CDK14: variants seen among roughly 807,000 people sequenced by gnomAD.
CDK14 encodes the protein cyclin dependent kinase 14, also known as cyclin-dependent kinase 14.
A neutral mutation model predicts 60.7 loss-of-function variants in CDK14; 34 were observed. That is an observed-to-expected ratio of 0.56 (90% CI 0.43 to 0.75). CDK14 has a LOEUF of 0.75. CDK14 is among the 30% of genes least tolerant of loss of function. CDK14 has a pLI of 0.00. For synonymous variants in CDK14, 197 were observed against 203.7 expected (o/e 0.97, Z 0.28); for missense variants, 482 against 564.1 (o/e 0.85, Z 1.47).
rs542990326 is a variant in CDK14, at chr7:90,812,480, G to T, written c.544+21828G>T. 9.2e-5 allele frequency among the ~76,000 whole-genome samples: 14 copies of T among 152,256 alleles called. No homozygotes were observed. The South Asian group carries it at 1.2e-3, about 14-fold the overall frequency. On this transcript the variant is annotated intron_variant, in intron 5 of 14. Transcript: ENST00000380050. ...TGGGGCCTGTTGTGGGGTTGGGGAAGGGGGGACGGATTGCATTAGGAGATA... is the reference window on the plus strand; with the variant it reads ...TGGGGCCTGTTGTGGGGTTGGGGAATGGGGGACGGATTGCATTAGGAGATA...
intron 14 of CDK14, among the ~76,000 whole-genome samples, chr7:91,158,031 T>A (rs1801035531): frequency 1.3e-5 from 2 of 149,588 alleles, no homozygotes; most frequent in African/African-American, 4.9e-5. Flanking sequence ...TTTCTCAATA[T>A]CCATTTGCCA....
At chr7:91,083,117 A>G (rs1476150146) in intron 12 of CDK14, among the ~76,000 whole-genome samples, 2 of 151,302 alleles carry the variant, frequency 1.3e-5, no homozygotes, top group Non-Finnish European at 1.5e-5. Context: ...TTTTTTTTTC[A>G]TTGTTGATCA....
intron 4 of CDK14, among the ~76,000 whole-genome samples, chr7:90,775,251 C>T (rs906020037): frequency 6.6e-6 from 1 of 152,146 alleles, no homozygotes. Flanking sequence ...ATGATTCATT[C>T]TCATCGCGAT....
chr7:90,917,738 T>G lies in CDK14; in HGVS notation c.826+14T>G, dbSNP rs1295695044. The G allele has an allele frequency of 6.2e-7, 1 of 1,611,830 alleles. No individual in the cohort carries two copies. The highest frequency in any genetic ancestry group is 8.5e-7 in the Non-Finnish European group (1 of 1,178,528). ...TGGCAGATTTCGGTAGGAAAGCAGTTAATTACCAGTCTATTTTGTCATACT... is the reference window on the plus strand; with the variant it reads ...TGGCAGATTTCGGTAGGAAAGCAGTGAATTACCAGTCTATTTTGTCATACT... On this transcript the variant is annotated intron_variant, in intron 8 of 14. Coordinates refer to ENST00000380050, the MANE Select transcript of CDK14 (RefSeq NM_001287135.2).
At chr7:91,010,851 C>T (rs373698766) in intron 10 of CDK14, among the ~76,000 whole-genome samples, 13 of 115,184 alleles carry the variant, frequency 1.1e-4, no homozygotes, top group South Asian at 3.4e-4. Flanking sequence ...CTCCCTCCCT[C>T]CCTCCCTCCC....
chr7:90,853,010 A>C (rs1004650055), intron 5 of CDK14, among the ~76,000 whole-genome samples: 2 of 152,174 alleles, frequency 1.3e-5, no homozygotes, highest in Non-Finnish European at 2.9e-5. Context: ...ATTCAGCTCC[A>C]ACCAAAATCT....
At chr7:90,891,800 TGTAGG>T (rs1792133985) in intron 6 of CDK14, among the ~76,000 whole-genome samples, 1 of 152,214 alleles carries the variant, frequency 6.6e-6, no homozygotes, top group Non-Finnish European at 1.5e-5. Flanking sequence ...GGCTTGACAT[TGTAGG>T]AGAATGGAAA....
chr7:90,695,757 G>T lies in CDK14; in HGVS notation c.124-30810G>T, dbSNP rs976834901. ...GAATATCTGGAGGAAGAATGTTTCA[G>T]GAGGAGGGTGCAACAGCCTTGAGTA... On this transcript the variant is annotated intron_variant, in intron 2 of 14. Coordinates refer to ENST00000380050, the MANE Select transcript of CDK14 (RefSeq NM_001287135.2). Among the ~76,000 whole-genome samples, 4 of 152,282 alleles carry T rather than the reference G, an allele frequency of 2.6e-5. No individual in the cohort carries two copies. The East Asian group carries it at 7.7e-4, about 29-fold the overall frequency.
At chr7:90,856,271 T>C (rs1323352246) in intron 5 of CDK14, among the ~76,000 whole-genome samples, 1 of 152,234 alleles carries the variant, frequency 6.6e-6, no homozygotes, top group Non-Finnish European at 1.5e-5. Context: ...CTATGACCTC[T>C]TTCCTCCATA....
At chr7:90,873,553 T>C (rs1037383194) in intron 6 of CDK14, among the ~76,000 whole-genome samples, 1 of 152,220 alleles carries the variant, frequency 6.6e-6, no homozygotes, top group Non-Finnish European at 1.5e-5. Context: ...CATTCTATAC[T>C]TTGGTAAAGG....
chr7:90,983,767 A>C (rs1264472278), intron 9 of CDK14, among the ~76,000 whole-genome samples: 1 of 152,158 alleles, frequency 6.6e-6, no homozygotes, highest in African/African-American at 2.4e-5. Context: ...TAACACAGGA[A>C]CAGGAAACCA....
At chr7:90,999,894 T>C (rs1363329910) in intron 10 of CDK14, among the ~76,000 whole-genome samples, 3 of 152,188 alleles carry the variant, frequency 2.0e-5, no homozygotes, top group African/African-American at 7.2e-5. Flanking sequence ...AAATTATTAT[T>C]ACTTAGTAGT....
At chr7:90,658,762 A>G (rs1303435600) in intron 2 of CDK14, among the ~76,000 whole-genome samples, 3 of 152,186 alleles carry the variant, frequency 2.0e-5, no homozygotes, top group African/African-American at 4.8e-5. Context: ...ATAAACACCC[A>G]TACATAGGTT....
At chr7:90,599,592 C>CA (rs1799270760) in intron 1 of CDK14, among the ~76,000 whole-genome samples, 1 of 152,212 alleles carries the variant, frequency 6.6e-6, no homozygotes, top group African/African-American at 2.4e-5. Flanking sequence ...CATAGGCTGT[C>CA]ATTGTTCCTT....
At chr7:90,749,507 C>T (rs1004488636) in intron 4 of CDK14, among the ~76,000 whole-genome samples, 1 of 147,718 alleles carries the variant, frequency 6.8e-6, no homozygotes, top group East Asian at 2.1e-4. Flanking sequence ...TGTGCAGAGA[C>T]CATGGTGCAG....
intron 2 of CDK14, chr7:90,726,363 T>C: frequency 7.5e-7 from 1 of 1,333,154 alleles, no homozygotes; most frequent in Non-Finnish European, 9.8e-7. Flanking sequence ...TAGTGTAAGC[T>C]CTAGTGTGAG....
Position 90,601,948 on chromosome 7 carries a change from ATG to A in CDK14, c.92-2268_92-2267del, listed in dbSNP as rs1563012127. Among the ~76,000 whole-genome samples the A allele has an allele frequency of 3.3e-5, 5 of 151,574 alleles. No individual in the cohort carries two copies. In the East Asian group the frequency reaches 9.7e-4, roughly 29 times the overall value. ...TATGTATGTATGTATGTATGTATGT[ATG>A]TATGTATGTATGTATGTATGTATGT... On this transcript the variant is annotated intron_variant, in intron 1 of 14. Coordinates refer to ENST00000380050, the MANE Select transcript of CDK14 (RefSeq NM_001287135.2).
intron 2 of CDK14, chr7:90,709,970 A>C: frequency 9.5e-7 from 1 of 1,049,738 alleles, no homozygotes; most frequent in Non-Finnish European, 1.2e-6. Context: ...AAGACAGAGC[A>C]TGCTTAAAAT....
At chr7:91,086,457 T>C (rs977308296) in intron 12 of CDK14, among the ~76,000 whole-genome samples, 7 of 152,154 alleles carry the variant, frequency 4.6e-5, no homozygotes, top group African/African-American at 1.7e-4. Flanking sequence ...CACAGCTCTC[T>C]ACCCTTTTTG....
Sources: allele counts gnomAD v4.1 joint callset (sites outside exome capture counted in the v4.1 genomes callset), GRCh38; gene constraint gnomAD v4.1.1; transcripts MANE v1.5; gene names NCBI Gene and HGNC (gene_info 2026-07-23, HGNC 2026-07-21).